RASGEF1C: variants seen among roughly 807,000 people sequenced by gnomAD.
The protein encoded by RASGEF1C is RasGEF domain family member 1C, also known as ras-GEF domain-containing family member 1C.
Under a neutral mutation model 58.1 loss-of-function variants are expected in RASGEF1C, and 27 were observed. The observed-to-expected ratio is 0.46, with a 90% CI of 0.34 to 0.64. The LOEUF (loss-of-function observed/expected upper bound fraction) is 0.64, where lower values mean the gene tolerates loss of function less well. Ranked by LOEUF, RASGEF1C falls within the 30% of genes least tolerant of loss-of-function variation. The pLI is 0.01. For synonymous variants in RASGEF1C, 243 were observed against 246.3 expected (o/e 0.99, Z 0.13); for missense variants, 502 against 605.1 (o/e 0.83, Z 1.79).
chr5:180,163,476 T>C (rs915081907), intron 1 of RASGEF1C, among the ~76,000 whole-genome samples: 2 of 152,040 alleles, frequency 1.3e-5, no homozygotes, highest in Admixed American at 6.6e-5. Flanking sequence ...TAAATTTCCC[T>C]TGAGACTTCC....
chr5:180,147,398 G>A (rs553446916), intron 1 of RASGEF1C, among the ~76,000 whole-genome samples: 160 of 151,720 alleles, frequency 1.1e-3, no homozygotes, highest in African/African-American at 3.1e-3. Flanking sequence ...CAATTAGGTT[G>A]TTATTTTGAG....
chr5:180,157,450 T>G (rs1406982464), intron 1 of RASGEF1C, among the ~76,000 whole-genome samples: 1 of 144,178 alleles, frequency 6.9e-6, no homozygotes, highest in Non-Finnish European at 1.5e-5. Flanking sequence ...GGAGAAACCC[T>G]GTCTCTACTA....
intron 3 of RASGEF1C, chr5:180,136,763 T>G (rs4413497): frequency 0.99 from 534,423 of 540,150 alleles, 264,599 homozygotes; most frequent in East Asian, 1. Context: ...TCCTCCCTGG[T>G]GAGTCTTCGC....
intron 1 of RASGEF1C, among the ~76,000 whole-genome samples, chr5:180,178,114 G>GC: frequency 6.6e-6 from 1 of 150,786 alleles, no homozygotes; most frequent in Non-Finnish European, 1.5e-5. Context: ...CTACAGGCGT[G>GC]CACCACCAAG....
chr5:180,142,545 T>C (rs1184807774), intron 1 of RASGEF1C, among the ~76,000 whole-genome samples: 1 of 151,992 alleles, frequency 6.6e-6, no homozygotes, highest in African/African-American at 2.4e-5. Flanking sequence ...CAGCGAACAC[T>C]CTCGAGCAGC....
At chr5:180,174,434 GT>G (rs1767176303) in intron 1 of RASGEF1C, among the ~76,000 whole-genome samples, 1 of 150,632 alleles carries the variant, frequency 6.6e-6, no homozygotes, top group Non-Finnish European at 1.5e-5. Flanking sequence ...GTGCACACGT[GT>G]GTGTCTGTGC....
chr5:180,159,147 T>C (rs1378723122), intron 1 of RASGEF1C, among the ~76,000 whole-genome samples: 2 of 21,162 alleles, frequency 9.5e-5, no homozygotes, highest in Non-Finnish European at 2.0e-4. Flanking sequence ...TTTTAATTAA[T>C]TTTTTTTTTT....
chr5:180,140,022 TTC>T (rs1328223936), intron 1 of RASGEF1C, among the ~76,000 whole-genome samples: 1 of 152,154 alleles, frequency 6.6e-6, no homozygotes, highest in East Asian at 1.9e-4. Flanking sequence ...GCAGGGGCCT[TTC>T]TGAAGGAGGC....
chr5:180,174,495 TGTGTCTGTGTGTGCGTGCGCGTACACAC>T (rs1767181981), intron 1 of RASGEF1C, among the ~76,000 whole-genome samples: 5 of 133,986 alleles, frequency 3.7e-5, no homozygotes, highest in Middle Eastern at 3.5e-3. Context: ...TGTGCGCGTG[TGTGTCTGTGTGTGCGTGCGCGTACACAC>T]GTGTGTCTCT....
At chr5:180,116,048 G>C (rs1766061065) in intron 10 of RASGEF1C, among the ~76,000 whole-genome samples, 1 of 152,120 alleles carries the variant, frequency 6.6e-6, no homozygotes. Context: ...GGCCTGGTCT[G>C]GGCTTCCTGG....
intron 1 of RASGEF1C, among the ~76,000 whole-genome samples, chr5:180,189,998 G>GA (rs377155435): frequency 0.022 from 2,986 of 138,588 alleles, 50 homozygotes; most frequent in Middle Eastern, 0.044. Flanking sequence ...TACTTCATGC[G>GA]AAAAAAAAAA....
In RASGEF1C at chr5:180,174,293, G is replaced by C. The variant is rs117898117; in HGVS notation, c.-7+34735C>G. The stretch of plus-strand genomic sequence containing the variant: ...TTTTCTGGGAAGAACGAGGGAAGAT[G>C]AAGTCATCAGTTTATGATAAAACAA... On this transcript the variant is annotated intron_variant, in intron 1 of 13. Coordinates refer to ENST00000361132, the MANE Select transcript of RASGEF1C (RefSeq NM_175062.4). Among the ~76,000 whole-genome samples, 29 of 152,308 alleles carry C rather than the reference G, an allele frequency of 1.9e-4. No homozygotes were observed. The East Asian group carries it at 5.4e-3, about 28-fold the overall frequency.
intron 1 of RASGEF1C, among the ~76,000 whole-genome samples, chr5:180,208,676 G>A (rs923494701): frequency 2.0e-5 from 3 of 152,128 alleles, no homozygotes; most frequent in Non-Finnish European, 4.4e-5. Context: ...CGGGGAAACT[G>A]AGGTCCGGTG....
intron 6 of RASGEF1C, among the ~76,000 whole-genome samples, chr5:180,122,241 T>G (rs1766188608): frequency 6.6e-6 from 1 of 152,230 alleles, no homozygotes; most frequent in Non-Finnish European, 1.5e-5. Flanking sequence ...CACTCGGTGC[T>G]GCAGCTGCTG....
chr5:180,207,632 C>CCGTCCGTCTGTCGCT (rs1554116875), intron 1 of RASGEF1C, among the ~76,000 whole-genome samples: 1 of 151,832 alleles, frequency 6.6e-6, no homozygotes, highest in Non-Finnish European at 1.5e-5. Flanking sequence ...CCTCTCTCGC[C>CCGTCCGTCTGTCGCT]TGCCCTCCCT....
At chr5:180,200,604 C>T (rs1278714968) in intron 1 of RASGEF1C, among the ~76,000 whole-genome samples, 4 of 152,036 alleles carry the variant, frequency 2.6e-5, no homozygotes, top group Middle Eastern at 3.2e-3. Flanking sequence ...TGAGCCACCG[C>T]GCCCAGCCAA....
At chr5:180,125,548 C>T (rs1766240959) in intron 6 of RASGEF1C, among the ~76,000 whole-genome samples, 1 of 152,032 alleles carries the variant, frequency 6.6e-6, no homozygotes, top group African/African-American at 2.4e-5. Flanking sequence ...TTTGGGAGTC[C>T]AAGGCGGGTG....
At chr5:180,135,401 C>T (rs533347294) in intron 4 of RASGEF1C, 1 of 152,348 alleles carries the variant, frequency 6.6e-6, no homozygotes, top group South Asian at 2.1e-4. Context: ...CATGTCCAGA[C>T]CTACTCTGCG....
chr5:180,173,596 T>G (rs1049424713), intron 1 of RASGEF1C, among the ~76,000 whole-genome samples: 3 of 152,114 alleles, frequency 2.0e-5, no homozygotes, highest in African/African-American at 4.8e-5. Flanking sequence ...TCCCCTAAAT[T>G]TCAAATTTGG....
Sources: allele counts gnomAD v4.1 joint callset (sites outside exome capture counted in the v4.1 genomes callset), GRCh38; gene constraint gnomAD v4.1.1; transcripts MANE v1.5; gene names NCBI Gene and HGNC (gene_info 2026-07-23, HGNC 2026-07-21).